The following LRIG3 variants were observed in gnomAD, a reference collection of about 807,000 sequenced individuals.
LRIG3 encodes leucine rich repeats and immunoglobulin like domains 3.
LRIG3 carries 76 observed loss-of-function variants against 114.5 expected under a neutral mutation model. That is an observed-to-expected ratio of 0.66 (90% CI 0.55 to 0.80). The LOEUF (loss-of-function observed/expected upper bound fraction) is 0.80, where lower values mean the gene tolerates loss of function less well. Among genes scored for constraint, LRIG3 ranks in the 30% least tolerant of loss-of-function variants. The pLI, the probability that LRIG3 is intolerant of heterozygous loss-of-function variation, is 0.00. For missense variants in LRIG3, 1,239 were observed against 1,382.8 expected (o/e 0.90, Z 1.65); for synonymous variants, 512 against 519.8 (o/e 0.98, Z 0.20).
chr12:58,890,911 C>T (rs1871436440), intron 3 of LRIG3, 115 bp from the exon 4 acceptor site: 2 of 940,358 alleles, frequency 2.1e-6, no homozygotes, highest in Admixed American at 6.6e-5. Context: ...CTAATCTGAA[C>T]AGTACTTTTA....
intron 10 of LRIG3, 59 bp downstream of exon 10, chr12:58,885,772 C>T (rs757342728): frequency 4.1e-6 from 5 of 1,208,762 alleles, no homozygotes; most frequent in Non-Finnish European, 5.8e-6. Context: ...TTTCATGACA[C>T]ATAAGTAAAA....
intron 16 of LRIG3, among the ~76,000 whole-genome samples, chr12:58,876,008 C>T (rs538606676): frequency 3.5e-4 from 53 of 152,282 alleles, no homozygotes; most frequent in African/African-American, 1.1e-3. Flanking sequence ...GCTGAGACCA[C>T]GCCACTGCAC....
intron 8 of LRIG3, chr12:58,887,176 A>C: frequency 3.1e-6 from 1 of 320,842 alleles, no homozygotes; most frequent in Non-Finnish European, 5.7e-6. Flanking sequence ...AGTCTGAAAA[A>C]TACATTAAAC....
At chr12:58,909,732 C>T (rs1474715337) in intron 3 of LRIG3, among the ~76,000 whole-genome samples, 1 of 152,142 alleles carries the variant, frequency 6.6e-6, no homozygotes, top group Non-Finnish European at 1.5e-5. Context: ...AGTAACTTGC[C>T]CAAGGTTACA....
At chr12:58,899,827 G>A (rs1383917568) in intron 3 of LRIG3, among the ~76,000 whole-genome samples, 1 of 152,114 alleles carries the variant, frequency 6.6e-6, no homozygotes, top group Non-Finnish European at 1.5e-5. Flanking sequence ...GTGAAGGAGG[G>A]ACCTATTTTA....
In LRIG3 at chr12:58,874,454, C is replaced by G; in HGVS notation, c.2815G>C (p.Asp939His). Residue 939 changes from aspartate (D) to histidine (H), a missense_variant, in exon 17 of 19, where the codon GAT becomes CAT. Asp to His is a moderately conservative substitution (Grantham distance 81). Transcript: ENST00000320743. ...CCTGTATGATATGTTTCAAAAGGATCTGAGCCATACACATTTCCCTTCAAA... is the reference window on the plus strand; with the variant it reads ...CCTGTATGATATGTTTCAAAAGGATGTGAGCCATACACATTTCCCTTCAAA... ...MYLKGNVYGS[D>H]PFETYHTGCS... 2 of 1,614,182 alleles carry G rather than the reference C, an allele frequency of 1.2e-6. No homozygotes were observed. The highest frequency in any genetic ancestry group is 2.2e-5 in the South Asian group (2 of 91,078).
chr12:58,892,755 G>C (rs1871498368), intron 3 of LRIG3, among the ~76,000 whole-genome samples: 2 of 152,160 alleles, frequency 1.3e-5, no homozygotes, highest in African/African-American at 4.8e-5. Flanking sequence ...CTCTGGTACA[G>C]ACATTACAAA....
At chr12:58,891,222 T>G (rs994656229) in intron 3 of LRIG3, among the ~76,000 whole-genome samples, 1 of 152,040 alleles carries the variant, frequency 6.6e-6, no homozygotes, top group Non-Finnish European at 1.5e-5. Flanking sequence ...TCAAGGAATA[T>G]TCCCACCTCA....
intron 3 of LRIG3, among the ~76,000 whole-genome samples, chr12:58,901,574 T>A (rs765828779): frequency 6.6e-6 from 1 of 152,178 alleles, no homozygotes; most frequent in Non-Finnish European, 1.5e-5. Context: ...ACAGCACAGA[T>A]ACAGAACATT....
At chr12:58,904,835 C>T (rs1226803000) in intron 3 of LRIG3, among the ~76,000 whole-genome samples, 1 of 152,116 alleles carries the variant, frequency 6.6e-6, no homozygotes, top group Non-Finnish European at 1.5e-5. Context: ...AAGACATGAT[C>T]TCAGCTGCTG....
chr12:58,911,721 G>A (rs1448559506), intron 3 of LRIG3, among the ~76,000 whole-genome samples: 1 of 151,912 alleles, frequency 6.6e-6, no homozygotes. Context: ...TTATTTTCAA[G>A]TGTTTTTATA....
In LRIG3 at chr12:58,872,543, G is replaced by T. The variant is rs1351599928; in HGVS notation, c.*29C>A. 4 of 1,562,992 alleles carry T rather than the reference G, an allele frequency of 2.6e-6. No homozygotes were observed. The highest frequency in any genetic ancestry group is 3.5e-6 in the Non-Finnish European group (4 of 1,152,684). ...AATAAAAGTTCACTTGAGGTAGTAT[G>T]TTAAGCTTTTCCTTTGGTCTCATTC... On this transcript the variant is annotated 3_prime_UTR_variant, in exon 19 of 19. Coordinates refer to ENST00000320743, the MANE Select transcript of LRIG3 (RefSeq NM_153377.5).
chr12:58,905,738 C>G lies in LRIG3; in HGVS notation c.383+8244G>C, dbSNP rs115351071. 4.0e-3 allele frequency among the ~76,000 whole-genome samples: 609 copies of G among 152,240 alleles called. 4 individuals are homozygous for G. Among genetic ancestry groups the G allele is most frequent in the African/African-American group, 0.014 (588 of 41,546 alleles). On this transcript the variant is annotated intron_variant, in intron 3 of 18. Coordinates refer to ENST00000320743, the MANE Select transcript of LRIG3 (RefSeq NM_153377.5). ...GTAGCTTTATAAGAGGAAGAGACAC[C>G]TGAGCTATCGTGTTCAGGCCCCCTT...
Position 58,877,658 on chromosome 12 carries a change from T to C in LRIG3, c.2278A>G (p.Ser760Gly), listed in dbSNP as rs1870971703. Residue 760 changes from serine (S) to glycine (G), a missense_variant, in exon 15 of 19, where the codon AGT (serine) becomes GGT (glycine). Coordinates refer to ENST00000320743, the MANE Select transcript of LRIG3 (RefSeq NM_153377.5). ...TCACATGTGTATTTCCCAGCATCAC[T>C]GACATCTGAGTCCACAATAATCAGA... is the stretch of plus-strand genomic sequence containing the variant. The part of the protein sequence containing the change: ...QLLIIVDSDV[S>G]DAGKYTCEMS... 2 of 1,614,186 alleles carry C rather than the reference T, an allele frequency of 1.2e-6. No individual in the cohort carries two copies. The highest frequency in any genetic ancestry group is 2.2e-5 in the East Asian group (1 of 44,864).
Position 58,888,857 on chromosome 12 carries a change from C to T in LRIG3, c.765G>A (p.Met255Ile), listed in dbSNP as rs746180314. 6 of 1,613,802 alleles carry T rather than the reference C, an allele frequency of 3.7e-6. No homozygotes were observed. Among genetic ancestry groups the T allele is most frequent in the Non-Finnish European group, 5.1e-6 (6 of 1,179,834 alleles). Residue 255 changes from methionine (M) to isoleucine (I), a missense_variant, in exon 6 of 19, where the codon ATG becomes ATA. By Grantham distance (10) the Met-to-Ile change is conservative (BLOSUM62 1). Coordinates refer to ENST00000320743, the MANE Select transcript of LRIG3 (RefSeq NM_153377.5). Reference protein sequence around the residue: ...KMQRNGVTKLMDGAFWGLSNM... With the variant: ...KMQRNGVTKLIDGAFWGLSNM... ...TGCTCAGCCCCCAAAAAGCTCCATC[C>T]ATAAGTTTCGTTACTCCATTTCTTT...
Position 58,872,457 on chromosome 12 carries a change from C to T in LRIG3, c.*115G>A. ...TTTTGGTTCATCTGTATAAATAAAG[C>T]ATTTTTATCCTTTTAAAATTCATAA... On this transcript the variant is annotated 3_prime_UTR_variant, in exon 19 of 19. Coordinates refer to ENST00000320743, the MANE Select transcript of LRIG3 (RefSeq NM_153377.5). 8.2e-7 allele frequency: 1 copy of T among 1,215,240 alleles called. No individual in the cohort carries two copies. Among genetic ancestry groups the T allele is most frequent in the East Asian group, 2.6e-5 (1 of 38,172 alleles). The allele number at this position is 1,215,240 out of a possible 1,614,324, so 75.3% of individuals were successfully genotyped here.
At chr12:58,913,293 AC>A (rs1453976737) in intron 3 of LRIG3, among the ~76,000 whole-genome samples, 1 of 152,196 alleles carries the variant, frequency 6.6e-6, no homozygotes, top group Non-Finnish European at 1.5e-5. Context: ...TAGAAATTAA[AC>A]CACAGGCATT....
chr12:58,878,549 C>G (rs1871008203), intron 14 of LRIG3, among the ~76,000 whole-genome samples: 1 of 152,118 alleles, frequency 6.6e-6, no homozygotes. Flanking sequence ...GGAGGGTGAT[C>G]CCCCATAAAA....
Position 58,886,796 on chromosome 12 carries a change from C to A in LRIG3, c.1172+14G>T, listed in dbSNP as rs746559300. 6.2e-7 allele frequency: 1 copy of A among 1,610,036 alleles called. No individual in the cohort carries two copies. Among genetic ancestry groups the A allele is most frequent in the Non-Finnish European group, 8.5e-7 (1 of 1,176,960 alleles). On this transcript the variant is annotated intron_variant, in intron 9 of 18. Transcript: ENST00000320743. ...TCAAAGAGTGAGCTAAATTATGAGGCAATTCATACTCACAGTCGCCTCAGT... is the reference window on the plus strand; with the variant it reads ...TCAAAGAGTGAGCTAAATTATGAGGAAATTCATACTCACAGTCGCCTCAGT...
Sources: gnomAD v4.1 joint callset for allele counts (sites outside exome capture counted in the v4.1 genomes callset) on GRCh38, gnomAD v4.1.1 for gene constraint, MANE v1.5 for transcripts, NCBI Gene and HGNC (gene_info 2026-07-23, HGNC 2026-07-21) for gene names.